The following XPOT variants were observed in gnomAD, a reference collection of about 807,000 sequenced individuals.
XPOT encodes the protein exportin-T.
Under a neutral mutation model 128.2 loss-of-function variants are expected in XPOT, and 34 were observed. The ratio of observed to expected loss-of-function variants is 0.27; its 90% CI spans 0.20 to 0.35. XPOT has a LOEUF of 0.35. XPOT is among the 10% of genes least tolerant of loss of function. The pLI is 1.00. For synonymous variants in XPOT, 348 were observed against 394.3 expected (o/e 0.88, Z 1.39); for missense variants, 838 against 1,125.3 (o/e 0.74, Z 3.65).
rs576319919 is a variant in XPOT at position 64,430,561 on chromosome 12, A to C, written c.1976+274A>C. On this transcript the variant is annotated intron_variant, in intron 17 of 24. Coordinates refer to ENST00000332707, the MANE Select transcript of XPOT (RefSeq NM_007235.6). ...GTTTAAGAGGATCAGCTGAAGTGTT[A>C]ATATACCAAATATATATTGGGACGG... Among the ~76,000 whole-genome samples the C allele has an allele frequency of 3.9e-5, 5 of 127,634 alleles. No homozygotes were observed. In the South Asian group the frequency reaches 1.2e-3, roughly 32 times the overall value. The allele number at this position is 127,634 out of a possible 152,430, so 83.7% of individuals were successfully genotyped here.
chr12:64,426,924 A>G (rs1467933647), intron 15 of XPOT, among the ~76,000 whole-genome samples: 1 of 152,060 alleles, frequency 6.6e-6, no homozygotes, highest in Non-Finnish European at 1.5e-5. Context: ...CAGAATTTGC[A>G]GTGAGCAGAG....
At chr12:64,409,886 C>A (rs976189726) in intron 1 of XPOT, 76 bp from the exon 2 acceptor site, 2 of 605,944 alleles carry the variant, frequency 3.3e-6, no homozygotes, top group Non-Finnish European at 5.9e-6. Context: ...ATGATTTTAT[C>A]CATTTACGTT....
Position 64,451,105 on chromosome 12 carries a change from A to C in XPOT, c.*2974A>C, listed in dbSNP as rs1330751104. On this transcript the variant is annotated 3_prime_UTR_variant, in exon 25 of 25. Coordinates refer to ENST00000332707, the MANE Select transcript of XPOT (RefSeq NM_007235.6). ...TTATACATTGTTTAAAATGCTAATAAAGTAACTTGCTTTGTAAGAATTCAT... is the reference window on the plus strand; with the variant it reads ...TTATACATTGTTTAAAATGCTAATACAGTAACTTGCTTTGTAAGAATTCAT... The C allele has an allele frequency of 6.6e-6, 1 of 152,268 alleles. No individual in the cohort carries two copies. The highest frequency in any genetic ancestry group is 1.5e-5 in the Non-Finnish European group (1 of 68,048). The allele number at this position is 152,268 out of a possible 1,614,324, so 9.4% of individuals were successfully genotyped here. A position where few individuals can be genotyped will look rare whatever the true frequency, so the allele number is the denominator to read the frequency against.
chr12:64,449,355 A>G lies in XPOT; in HGVS notation c.*1224A>G, dbSNP rs945454574. ...GAAGTACTTACCCCTGCCTTCCTCC[A>G]TTTTTATTCATGGCTACTTGAGAAA... is the stretch of plus-strand genomic sequence containing the variant. On this transcript the variant is annotated 3_prime_UTR_variant, in exon 25 of 25. Transcript: ENST00000332707. 1.3e-5 allele frequency: 2 copies of G among 152,204 alleles called. No homozygotes were observed. The highest frequency in any genetic ancestry group is 2.4e-5 in the African/African-American group (1 of 41,448). The allele number at this position is 152,204 out of a possible 1,614,324, so 9.4% of individuals were successfully genotyped here.
chr12:64,434,724 G>T (rs1051627475), intron 20 of XPOT, 70 bp from the exon 21 acceptor site: 1 of 1,540,402 alleles, frequency 6.5e-7, no homozygotes, highest in African/African-American at 1.4e-5. Context: ...ACTGGGAGTT[G>T]GTTTTCCCTG....
chr12:64,441,867 G>C (rs2136038311), intron 23 of XPOT, among the ~76,000 whole-genome samples: 1 of 150,784 alleles, frequency 6.6e-6, no homozygotes, highest in Non-Finnish European at 1.5e-5. Flanking sequence ...TTTTGTTTTT[G>C]CTTTTTTTTT....
chr12:64,429,615 A>G (rs527398964), intron 16 of XPOT, among the ~76,000 whole-genome samples: 3 of 151,912 alleles, frequency 2.0e-5, no homozygotes, highest in African/African-American at 7.2e-5. Flanking sequence ...TAATTTTTGT[A>G]TTTTTAGTAG....
intron 11 of XPOT, among the ~76,000 whole-genome samples, chr12:64,423,505 G>A (rs7316714): frequency 0.42 from 63,680 of 151,788 alleles, 15,945 homozygotes; most frequent in Non-Finnish European, 0.56. Flanking sequence ...CCAGGCTGGA[G>A]TGCAGTGGTG....
chr12:64,419,970 G>A (rs2040122979), intron 6 of XPOT, 100 bp from the exon 7 acceptor site: 3 of 1,013,716 alleles, frequency 3.0e-6, no homozygotes, highest in African/African-American at 1.6e-5. Context: ...GGTAGGGAAT[G>A]TGTTAACAAG....
intron 1 of XPOT, among the ~76,000 whole-genome samples, chr12:64,409,001 A>G (rs773828513): frequency 7.3e-6 from 1 of 137,412 alleles, no homozygotes; most frequent in Non-Finnish European, 1.6e-5. Context: ...TCTACTATTG[A>G]AAAACTTTTT....
chr12:64,418,956 T>C lies in XPOT; in HGVS notation c.351T>C (p.Tyr117=), dbSNP rs2136017902. 1 of 1,614,114 alleles carries C rather than the reference T, an allele frequency of 6.2e-7. No individual in the cohort carries two copies. The highest frequency in any genetic ancestry group is 1.3e-5 in the African/African-American group (1 of 75,030). Residue 117 remains tyrosine (Y), a synonymous_variant, in exon 6 of 25, where the codon TAT becomes TAC. Transcript: ENST00000332707. ...TCGCCTTGCTTTTTGTTACAGAGTA[T>C]CTCACTAAGTGGCCCAAGTTTTTTT... ...QVFALLFVTE[Y]LTKWPKFFFD...
intron 2 of XPOT, among the ~76,000 whole-genome samples, chr12:64,412,611 GAGAC>G (rs1401318919): frequency 6.6e-6 from 1 of 152,140 alleles, no homozygotes; most frequent in African/African-American, 2.4e-5. Flanking sequence ...CTTCTAAAGA[GAGAC>G]ATTATTTACT....
chr12:64,411,860 T>C (rs1047072794), intron 2 of XPOT, among the ~76,000 whole-genome samples: 5 of 152,140 alleles, frequency 3.3e-5, no homozygotes, highest in African/African-American at 1.2e-4. Flanking sequence ...AAAAAAGGTA[T>C]GGGGTAGAAC....
At chr12:64,440,088 G>C (rs1045274650) in intron 23 of XPOT, among the ~76,000 whole-genome samples, 1 of 152,124 alleles carries the variant, frequency 6.6e-6, no homozygotes, top group African/African-American at 2.4e-5. Context: ...TATTCATCTT[G>C]CATAACTAAG....
At chr12:64,407,720 C>T (rs1565792895) in intron 1 of XPOT, among the ~76,000 whole-genome samples, 1 of 152,142 alleles carries the variant, frequency 6.6e-6, no homozygotes, top group Non-Finnish European at 1.5e-5. Context: ...TGGAGAACTG[C>T]CATATGGTTC....
At chr12:64,428,012 C>T (rs1164595582) in intron 15 of XPOT, 39 bp from the exon 16 acceptor site, 2 of 1,343,076 alleles carry the variant, frequency 1.5e-6, no homozygotes, top group African/African-American at 1.4e-5. Flanking sequence ...CTGTTTTGAG[C>T]ACTGTTATTA....
At chr12:64,410,364 A>C (rs2040026154) in intron 2 of XPOT, among the ~76,000 whole-genome samples, 1 of 152,262 alleles carries the variant, frequency 6.6e-6, no homozygotes, top group South Asian at 2.1e-4. Flanking sequence ...ATTATTTAAA[A>C]ATTGTAATGC....
intron 24 of XPOT, among the ~76,000 whole-genome samples, chr12:64,447,806 A>G (rs949138901): frequency 2.0e-5 from 3 of 152,178 alleles, no homozygotes; most frequent in Non-Finnish European, 4.4e-5. Context: ...AGTACCAATC[A>G]GTAAAAAGGT....
chr12:64,413,532 G>A (rs1017606274), intron 2 of XPOT, among the ~76,000 whole-genome samples: 2 of 152,102 alleles, frequency 1.3e-5, no homozygotes, highest in African/African-American at 2.4e-5. Flanking sequence ...GTATTTTTTC[G>A]TTATACCATA....
Sources: allele counts gnomAD v4.1 joint callset (sites outside exome capture counted in the v4.1 genomes callset), GRCh38; gene constraint gnomAD v4.1.1; transcripts MANE v1.5; gene names NCBI Gene and HGNC (gene_info 2026-07-23, HGNC 2026-07-21).